The following CACNA2D1 variants were observed in gnomAD, a reference collection of about 807,000 sequenced individuals.
CACNA2D1 encodes calcium voltage-gated channel auxiliary subunit alpha2delta 1, also known as voltage-dependent calcium channel subunit alpha-2/delta-1.
Under a neutral mutation model 171.5 loss-of-function variants are expected in CACNA2D1, and 53 were observed. The observed-to-expected ratio is 0.31, with a 90% CI of 0.25 to 0.39. The LOEUF (loss-of-function observed/expected upper bound fraction) is 0.39, where lower values mean the gene tolerates loss of function less well. Among genes scored for constraint, CACNA2D1 ranks in the 10% least tolerant of loss-of-function variants. The pLI, the probability that CACNA2D1 is intolerant of heterozygous loss-of-function variation, is 1.00. For synonymous variants in CACNA2D1, 442 were observed against 443.1 expected (o/e 1.00, Z 0.03); for missense variants, 903 against 1,299.8 (o/e 0.69, Z 4.69).
At chr7:82,053,109 G>A (rs967112184) in intron 10 of CACNA2D1, among the ~76,000 whole-genome samples, 2 of 151,990 alleles carry the variant, frequency 1.3e-5, no homozygotes, top group Admixed American at 6.6e-5. Flanking sequence ...AAAAGTAGCC[G>A]GGCGTGGTGG....
intron 35 of CACNA2D1, 29 bp from the exon 36 acceptor site, chr7:81,962,052 AAAG>A: frequency 6.2e-7 from 1 of 1,610,534 alleles, no homozygotes; most frequent in Non-Finnish European, 8.5e-7. Context: ...GTGTAAAAAC[AAAG>A]AACACCATTA....
intron 10 of CACNA2D1, chr7:82,050,567 C>A (rs1371493414): frequency 4.6e-5 from 32 of 702,540 alleles, no homozygotes; most frequent in Non-Finnish European, 2.6e-5. Flanking sequence ...CAGAGAGACA[C>A]AATAGTTTAA....
Position 82,191,782 on chromosome 7 carries a change from C to T in CACNA2D1, c.295-21173G>A, listed in dbSNP as rs559760954. Reference sequence around the variant, plus strand: ...CGTTTGAAAGCAGCAAATCAAAAACCATGAATAAAGTAAATCAAAAAAAGA... The same window carrying T: ...CGTTTGAAAGCAGCAAATCAAAAACTATGAATAAAGTAAATCAAAAAAAGA... On this transcript the variant is annotated intron_variant, in intron 3 of 38. Transcript: ENST00000356860. Among the ~76,000 whole-genome samples the T allele has an allele frequency of 4.0e-5, 6 of 151,620 alleles. No homozygotes were observed. In the South Asian group the frequency reaches 1.2e-3, roughly 32 times the overall value.
chr7:82,018,042 G>A (rs1800719372), intron 12 of CACNA2D1, among the ~76,000 whole-genome samples: 1 of 152,026 alleles, frequency 6.6e-6, no homozygotes, highest in Non-Finnish European at 1.5e-5. Context: ...GTAGCTAATT[G>A]TTTCTCAACA....
chr7:82,089,162 C>G (rs1563028754), intron 6 of CACNA2D1, among the ~76,000 whole-genome samples: 1 of 152,138 alleles, frequency 6.6e-6, no homozygotes, highest in Non-Finnish European at 1.5e-5. Context: ...CTCCCTACCC[C>G]TGACAAATAG....
intron 7 of CACNA2D1, among the ~76,000 whole-genome samples, chr7:82,071,634 G>A (rs757583715): frequency 8.6e-5 from 13 of 152,046 alleles, no homozygotes; most frequent in Non-Finnish European, 1.3e-4. Flanking sequence ...TGTTCTACAC[G>A]TGGAAAAAAA....
chr7:82,071,185 A>G (rs955602602), intron 7 of CACNA2D1, among the ~76,000 whole-genome samples: 4 of 152,214 alleles, frequency 2.6e-5, no homozygotes, highest in Non-Finnish European at 4.4e-5. Flanking sequence ...AAGCAATAAA[A>G]GCTGTTTAGC....
rs1467603720 is a variant in CACNA2D1, at chr7:81,995,227, G to GGCTA, written c.1663-292_1663-289dup. 5.3e-5 allele frequency among the ~76,000 whole-genome samples: 8 copies of GGCTA among 152,174 alleles called. No individual in the cohort carries two copies. In the East Asian group the frequency reaches 7.7e-4, roughly 15 times the overall value. ...TTAATAAAATGTTCAATTATATTATGGCTAGCCACATTGGAGTGGAAAGTA... is the reference window on the plus strand; with the variant it reads ...TTAATAAAATGTTCAATTATATTATGGCTAGCTAGCCACATTGGAGTGGAAAGTA... On this transcript the variant is annotated intron_variant, in intron 19 of 38. Coordinates refer to ENST00000356860, the MANE Select transcript of CACNA2D1 (RefSeq NM_000722.4).
intron 14 of CACNA2D1, among the ~76,000 whole-genome samples, chr7:82,012,778 T>G (rs1799950913): frequency 6.6e-6 from 1 of 152,172 alleles, no homozygotes; most frequent in Non-Finnish European, 1.5e-5. Flanking sequence ...GTATTCAGTA[T>G]TCACGTCCAC....
At chr7:82,370,931 G>A (rs141828498) in intron 1 of CACNA2D1, among the ~76,000 whole-genome samples, 1 of 152,194 alleles carries the variant, frequency 6.6e-6, no homozygotes, top group Non-Finnish European at 1.5e-5. Context: ...GAAAAAGCAA[G>A]TCATAATAAC....
chr7:82,191,528 A>T (rs1372485392), intron 3 of CACNA2D1, among the ~76,000 whole-genome samples: 3 of 151,846 alleles, frequency 2.0e-5, no homozygotes, highest in Non-Finnish European at 4.4e-5. Context: ...ACACAAAGGC[A>T]AGTTGCTTTG....
chr7:82,208,630 G>A (rs1376974011), intron 3 of CACNA2D1, among the ~76,000 whole-genome samples: 1 of 151,988 alleles, frequency 6.6e-6, no homozygotes, highest in Non-Finnish European at 1.5e-5. Flanking sequence ...TACTGAAAAT[G>A]GTTTTAGAAA....
At chr7:82,268,938 C>T (rs1275157659) in intron 3 of CACNA2D1, among the ~76,000 whole-genome samples, 2 of 152,104 alleles carry the variant, frequency 1.3e-5, no homozygotes, top group Admixed American at 1.3e-4. Flanking sequence ...CTGGCCAGAA[C>T]AGGAGCAGAT....
intron 5 of CACNA2D1, among the ~76,000 whole-genome samples, chr7:82,119,368 C>T (rs1330024248): frequency 6.6e-6 from 1 of 152,122 alleles, no homozygotes; most frequent in African/African-American, 2.4e-5. Context: ...ATAATTTCAG[C>T]TATTAAATAA....
intron 3 of CACNA2D1, among the ~76,000 whole-genome samples, chr7:82,210,061 T>A (rs76109500): frequency 0.084 from 12,790 of 152,226 alleles, 710 homozygotes; most frequent in Non-Finnish European, 0.11. Context: ...ATATAAAAGC[T>A]ATATTTTTCA....
intron 1 of CACNA2D1, among the ~76,000 whole-genome samples, chr7:82,438,885 A>T (rs1445222664): frequency 6.6e-6 from 1 of 152,198 alleles, no homozygotes; most frequent in East Asian, 1.9e-4. Flanking sequence ...TAATAACAAT[A>T]AAATGTTACT....
chr7:82,010,489 A>T (rs1329640238), intron 15 of CACNA2D1, among the ~76,000 whole-genome samples: 1 of 151,970 alleles, frequency 6.6e-6, no homozygotes, highest in African/African-American at 2.4e-5. Flanking sequence ...CAATGCAGAC[A>T]TGCTGGCTAA....
intron 1 of CACNA2D1, among the ~76,000 whole-genome samples, chr7:82,437,371 A>G (rs1830185426): frequency 6.6e-6 from 1 of 152,128 alleles, no homozygotes; most frequent in South Asian, 2.1e-4. Context: ...AGACAGTAAG[A>G]TTATCCCCAA....
chr7:82,307,765 A>AT (rs1768175866), intron 3 of CACNA2D1, among the ~76,000 whole-genome samples: 1 of 152,040 alleles, frequency 6.6e-6, no homozygotes, highest in African/African-American at 2.4e-5. Flanking sequence ...TTGCTTAGTC[A>AT]TTAAAGACTT....
Sources: allele counts gnomAD v4.1 joint callset (sites outside exome capture counted in the v4.1 genomes callset), GRCh38; gene constraint gnomAD v4.1.1; transcripts MANE v1.5; gene names NCBI Gene and HGNC (gene_info 2026-07-23, HGNC 2026-07-21).